OR1B1: variants seen among roughly 807,000 people sequenced by gnomAD.
OR1B1 encodes olfactory receptor 1B1.
For synonymous variants in OR1B1, 168 were observed against 156.2 expected (o/e 1.08, Z -0.57); for missense variants, 414 against 402.1 (o/e 1.03, Z -0.25).
chr9:122,645,363 G>T, the OR1B1 span, among the ~76,000 whole-genome samples: 3 of 151,964 alleles, frequency 2.0e-5, no homozygotes, highest in East Asian at 5.8e-4. Flanking sequence ...GAGATAGAAA[G>T]TTTATTCAAA....
chr9:122,628,935 T>C (rs1395961817), exon 1 of OR1B1: 5 of 1,614,018 alleles, frequency 3.1e-6, no homozygotes, highest in African/African-American at 2.7e-5. Flanking sequence ...GCCAGCTCAT[T>C]AGAATGTATG....
the OR1B1 span, chr9:122,637,204 T>G: frequency 5.9e-5 from 9 of 152,328 alleles, no homozygotes; most frequent in Admixed American, 5.9e-4. Context: ...CTCTGGCTAT[T>G]GCAGTGTTGA....
At chr9:122,633,606 A>G (rs942980000), upstream of OR1B1, among the ~76,000 whole-genome samples, 3 of 151,888 alleles carry the variant, frequency 2.0e-5, no homozygotes, top group African/African-American at 7.2e-5. Flanking sequence ...CAATAGCAAA[A>G]TAATAATAAT....
exon 1 of OR1B1, chr9:122,629,262 G>A (rs751219016): frequency 6.2e-7 from 1 of 1,614,084 alleles, no homozygotes; most frequent in Non-Finnish European, 8.5e-7. Context: ...GGAATGGTTG[G>A]GTAATGAGAG....
the OR1B1 span, among the ~76,000 whole-genome samples, chr9:122,640,524 G>A: frequency 1.3e-5 from 2 of 152,200 alleles, no homozygotes; most frequent in Admixed American, 6.5e-5. Flanking sequence ...AAAGTCAGAG[G>A]AAAAGCAGGA....
chr9:122,655,450 G>A, the OR1B1 span, among the ~76,000 whole-genome samples: 1 of 152,244 alleles, frequency 6.6e-6, no homozygotes, highest in East Asian at 1.9e-4. Flanking sequence ...ATCAACGATA[G>A]ATTGGATAAA....
At chr9:122,628,754 A>G (rs1830166648) in exon 1 of OR1B1, 3 of 1,614,138 alleles carry the variant, frequency 1.9e-6, no homozygotes, top group Non-Finnish European at 1.7e-6. Flanking sequence ...GACACAAATG[A>G]TGGTGCCGTA....
the OR1B1 span, among the ~76,000 whole-genome samples, chr9:122,652,481 A>G: frequency 1.3e-5 from 2 of 152,232 alleles, no homozygotes; most frequent in Non-Finnish European, 2.9e-5. Context: ...CTCCACCGTT[A>G]TTGATTTAGT....
At chr9:122,647,452 GA>G in the OR1B1 span, among the ~76,000 whole-genome samples, 36 of 151,942 alleles carry the variant, frequency 2.4e-4, no homozygotes, top group Admixed American at 9.8e-4. Flanking sequence ...CAAAAAAGAG[GA>G]AAAACTTTAA....
At chr9:122,638,562 C>A in the OR1B1 span, among the ~76,000 whole-genome samples, 2 of 152,044 alleles carry the variant, frequency 1.3e-5, no homozygotes, top group Non-Finnish European at 2.9e-5. Context: ...TATGGAGAAC[C>A]CAGAATTAGG....
chr9:122,645,223 A>G, the OR1B1 span, among the ~76,000 whole-genome samples: 2 of 151,906 alleles, frequency 1.3e-5, no homozygotes, highest in Non-Finnish European at 2.9e-5. Context: ...AAGATATGCT[A>G]TTTGAAAATA....
At chr9:122,656,414 C>T in the OR1B1 span, among the ~76,000 whole-genome samples, 1 of 152,014 alleles carries the variant, frequency 6.6e-6, no homozygotes, top group African/African-American at 2.4e-5. Context: ...TTCTCATGAA[C>T]CCTTGGAGGG....
chr9:122,649,305 G>C, the OR1B1 span, among the ~76,000 whole-genome samples: 30 of 152,136 alleles, frequency 2.0e-4, no homozygotes, highest in Non-Finnish European at 4.0e-4. Flanking sequence ...AACCCTAGAA[G>C]AAAACCTAGG....
chr9:122,637,690 C>T, the OR1B1 span, among the ~76,000 whole-genome samples: 1,294 of 152,232 alleles, frequency 8.5e-3, 20 homozygotes, highest in African/African-American at 0.03. Flanking sequence ...AGTTTGCAAA[C>T]ATTTTCTTAA....
chr9:122,656,306 T>C, the OR1B1 span, among the ~76,000 whole-genome samples: 1 of 152,232 alleles, frequency 6.6e-6, no homozygotes, highest in African/African-American at 2.4e-5. Flanking sequence ...TATTATCTGC[T>C]ATGGTTTTAA....
chr9:122,656,927 G>T, the OR1B1 span, among the ~76,000 whole-genome samples: 1 of 152,088 alleles, frequency 6.6e-6, no homozygotes, highest in South Asian at 2.1e-4. Context: ...TAACATCATT[G>T]AAAATAGTTT....
At chr9:122,628,771 A>G in exon 1 of OR1B1, 1 of 1,614,138 alleles carries the variant, frequency 6.2e-7, no homozygotes, top group South Asian at 1.1e-5. Context: ...CGTAGAGGAA[A>G]CCAACCATGG....
chr9:122,657,612 G>C, the OR1B1 span, among the ~76,000 whole-genome samples: 3 of 152,156 alleles, frequency 2.0e-5, no homozygotes, highest in Non-Finnish European at 2.9e-5. Flanking sequence ...CAAAAACATA[G>C]CAAACCTCCA....
chr9:122,656,361 G>A, the OR1B1 span, among the ~76,000 whole-genome samples: 6 of 152,076 alleles, frequency 3.9e-5, no homozygotes, highest in Admixed American at 2.6e-4. Context: ...TCCCCACTAC[G>A]ACGTATTGGG....
Sources: allele counts gnomAD v4.1 joint callset (sites outside exome capture counted in the v4.1 genomes callset), GRCh38; gene constraint gnomAD v4.1.1; transcripts MANE v1.5; gene names NCBI Gene and HGNC (gene_info 2026-07-23, HGNC 2026-07-21).